Variants in WWC1 observed in about 807,000 individuals in gnomAD.
WWC1 encodes the protein WW and C2 domain containing 1.
WWC1 carries 55 observed loss-of-function variants against 138.4 expected under a neutral mutation model. The ratio of observed to expected loss-of-function variants is 0.40; its 90% CI spans 0.32 to 0.50. The LOEUF is 0.50. Among genes scored for constraint, WWC1 ranks in the 20% least tolerant of loss-of-function variants. The pLI, the probability that WWC1 is intolerant of heterozygous loss-of-function variation, is 0.72. For synonymous variants in WWC1, 524 were observed against 564.9 expected, an observed-to-expected ratio of 0.93 and a Z score of 1.03; for missense variants, 1,226 against 1,420.4, an observed-to-expected ratio of 0.86 and a Z score of 2.20.
intron 1 of WWC1, among the ~76,000 whole-genome samples, chr5:168,317,724 G>T (rs1472052577): frequency 2.0e-5 from 3 of 152,246 alleles, no homozygotes; most frequent in Non-Finnish European, 2.9e-5. Context: ...AGATTAAAAG[G>T]CTGGATTATG....
intron 5 of WWC1, among the ~76,000 whole-genome samples, chr5:168,401,052 A>G (rs1293132600): frequency 6.6e-6 from 1 of 151,560 alleles, no homozygotes; most frequent in Non-Finnish European, 1.5e-5. Context: ...GAGAGAAAGC[A>G]AGCCCTGCAG....
intron 18 of WWC1, 144 bp downstream of exon 18, chr5:168,454,244 C>A: frequency 7.9e-7 from 1 of 1,269,036 alleles, no homozygotes; most frequent in Non-Finnish European, 1.1e-6. Context: ...GCCTTTGGGT[C>A]ATTCTGGTGA....
chr5:168,296,815 A>G (rs1368272683), intron 1 of WWC1, among the ~76,000 whole-genome samples: 1 of 152,194 alleles, frequency 6.6e-6, no homozygotes, highest in African/African-American at 2.4e-5. Flanking sequence ...CAGAACACAC[A>G]TTTCTAACCA....
intron 1 of WWC1, among the ~76,000 whole-genome samples, chr5:168,307,762 A>G (rs919080813): frequency 4.6e-5 from 7 of 151,838 alleles, no homozygotes; most frequent in South Asian, 2.1e-4. Context: ...CTGCCACCAC[A>G]CCCAGCTAAT....
intron 1 of WWC1, among the ~76,000 whole-genome samples, chr5:168,323,616 G>T (rs1180599832): frequency 6.6e-6 from 1 of 152,126 alleles, no homozygotes; most frequent in Non-Finnish European, 1.5e-5. Flanking sequence ...AAAAAGTCAG[G>T]ACTTTAGCAA....
intron 2 of WWC1, among the ~76,000 whole-genome samples, chr5:168,383,118 A>G (rs1217854708): frequency 2.0e-5 from 3 of 151,744 alleles, no homozygotes; most frequent in African/African-American, 7.3e-5. Flanking sequence ...CAGAGGTTGC[A>G]GTGAGCCAAG....
chr5:168,338,404 CCTTTTTTTT>C (rs1473483125), intron 1 of WWC1, among the ~76,000 whole-genome samples: 3 of 146,704 alleles, frequency 2.0e-5, no homozygotes, highest in African/African-American at 7.8e-5. Flanking sequence ...GATAGAGTTT[CCTTTTTTTT>C]CTTTTTTTTT....
chr5:168,342,404 G>A (rs1283252400), intron 1 of WWC1, among the ~76,000 whole-genome samples: 1 of 152,162 alleles, frequency 6.6e-6, no homozygotes, highest in Admixed American at 6.5e-5. Flanking sequence ...GTTAGGTGCT[G>A]TGGGTGAATG....
At position 168,352,783 on chromosome 5, in the gene WWC1, C is replaced by A. The variant is rs1775086723; in HGVS notation, c.120-18641C>A. Among the ~76,000 whole-genome samples, 5 of 152,074 alleles carry A rather than the reference C, an allele frequency of 3.3e-5. No individual in the cohort carries two copies. In the South Asian group the frequency reaches 8.3e-4, roughly 25 times the overall value. On this transcript the variant is annotated intron_variant, in intron 1 of 22. Transcript: ENST00000265293. ...ATGTTTAGTAGAGATGGGGTTTCAC[C>A]ATGTTGGTCAGGCTGGTCTTAAACT...
chr5:168,406,944 A>AAAATAAATAAATAAAT lies in WWC1; in HGVS notation c.720+625_720+640dup, dbSNP rs199720935. Reference sequence around the variant, plus strand: ...GCGAAACAGTGAGACTCTGTCTCAAAAAATAAATAAATAAATAAATAAAGA... The same window carrying AAAATAAATAAATAAAT: ...GCGAAACAGTGAGACTCTGTCTCAAAAAATAAATAAATAAATAAATAAATAAATAAATAAATAAAGA... On this transcript the variant is annotated intron_variant, in intron 6 of 22. Coordinates refer to ENST00000265293, the MANE Select transcript of WWC1 (RefSeq NM_015238.3). 1.5e-3 allele frequency among the ~76,000 whole-genome samples: 231 copies of AAAATAAATAAATAAAT among 151,664 alleles called. 2 individuals carry two copies. The highest frequency in any genetic ancestry group is 5.5e-3 in the African/African-American group (224 of 41,096).
intron 16 of WWC1, among the ~76,000 whole-genome samples, chr5:168,443,625 C>T (rs1309267505): frequency 6.6e-6 from 1 of 152,168 alleles, no homozygotes; most frequent in Non-Finnish European, 1.5e-5. Context: ...ATAATAATTC[C>T]CACCTGTCAG....
intron 5 of WWC1, among the ~76,000 whole-genome samples, chr5:168,401,524 G>A (rs538533056): frequency 2.6e-5 from 4 of 152,276 alleles, no homozygotes; most frequent in South Asian, 2.1e-4. Flanking sequence ...GTGGTCATCC[G>A]TTGAGGGACC....
intron 1 of WWC1, among the ~76,000 whole-genome samples, chr5:168,349,310 C>T (rs905501633): frequency 4.6e-5 from 7 of 152,238 alleles, no homozygotes; most frequent in African/African-American, 9.6e-5. Context: ...CCCTCTGACA[C>T]GCCTGTTTCT....
intron 1 of WWC1, among the ~76,000 whole-genome samples, chr5:168,307,690 C>T (rs1184167115): frequency 1.5e-4 from 22 of 151,370 alleles, no homozygotes; most frequent in East Asian, 7.8e-4. Context: ...CTGCAACCTC[C>T]GCCTCCAGGG....
chr5:168,387,910 C>G (rs1011104211), intron 3 of WWC1, among the ~76,000 whole-genome samples: 2 of 108,504 alleles, frequency 1.8e-5, no homozygotes, highest in Admixed American at 1.7e-4. Context: ...AAAGTGATTT[C>G]TCTCTCTCTC....
At chr5:168,357,766 G>T (rs1775576396) in intron 1 of WWC1, among the ~76,000 whole-genome samples, 1 of 152,006 alleles carries the variant, frequency 6.6e-6, no homozygotes. Flanking sequence ...TTGCAGGTAG[G>T]GCTTCCCTTC....
At chr5:168,453,443 G>C (rs1756012337) in intron 17 of WWC1, among the ~76,000 whole-genome samples, 1 of 152,218 alleles carries the variant, frequency 6.6e-6, no homozygotes, top group African/African-American at 2.4e-5. Context: ...GAGAATTCTG[G>C]TGGGGAATGG....
intron 21 of WWC1, 51 bp from the exon 22 acceptor site, chr5:168,467,789 C>A (rs546213982): frequency 6.2e-7 from 1 of 1,612,354 alleles, no homozygotes; most frequent in Admixed American, 1.7e-5. Flanking sequence ...TCTCCTTGCC[C>A]CTTTCTGGAG....
chr5:168,400,872 G>T (rs1779255443), intron 5 of WWC1, among the ~76,000 whole-genome samples: 1 of 139,908 alleles, frequency 7.1e-6, no homozygotes, highest in Admixed American at 7.1e-5. Context: ...GGAAAGAAGG[G>T]AGGGAAGAAG....
Sources: allele counts gnomAD v4.1 joint callset (sites outside exome capture counted in the v4.1 genomes callset), GRCh38; gene constraint gnomAD v4.1.1; transcripts MANE v1.5; gene names NCBI Gene and HGNC (gene_info 2026-07-23, HGNC 2026-07-21).